FGFR2: variants seen among roughly 807,000 people sequenced by gnomAD.
FGFR2 encodes the protein fibroblast growth factor receptor 2, also known as BEK fibroblast growth factor receptor.
In FGFR2, 19 loss-of-function variants were observed where a neutral mutation model predicts 95.9. That is an observed-to-expected ratio of 0.20 (90% CI 0.14 to 0.29). The LOEUF (loss-of-function observed/expected upper bound fraction) is 0.29. Ranked by LOEUF, FGFR2 falls within the 10% of genes least tolerant of loss-of-function variation. The pLI is 1.00. For missense variants in FGFR2, 707 were observed against 1,056.9 expected, an observed-to-expected ratio of 0.67 and a Z score of 4.59; for synonymous variants, 392 against 393.3, an observed-to-expected ratio of 1.00 and a Z score of 0.04.
chr10:121,591,669 TC>T (rs1408344445), intron 2 of FGFR2, among the ~76,000 whole-genome samples: 3 of 152,222 alleles, frequency 2.0e-5, no homozygotes, highest in Non-Finnish European at 4.4e-5. Context: ...AGACATCTTT[TC>T]TTTTCCATCT....
At chr10:121,525,223 T>C (rs1044113292) in intron 6 of FGFR2, among the ~76,000 whole-genome samples, 4 of 152,162 alleles carry the variant, frequency 2.6e-5, no homozygotes, top group African/African-American at 4.8e-5. Flanking sequence ...GCACAGTGCA[T>C]GGACCTGGAA....
In FGFR2 at chr10:121,479,928, A is replaced by G; in HGVS notation, c.2395T>C (p.Ser799Pro). 2 of 1,614,154 alleles carry G rather than the reference A, an allele frequency of 1.2e-6. No individual in the cohort carries two copies. Among genetic ancestry groups the G allele is most frequent in the Non-Finnish European group, 1.7e-6 (2 of 1,180,022 alleles). The change falls in exon 18 of 18, where the codon TCT (serine) becomes CCT (proline). Residue 799 changes from serine to proline, a missense_variant. Physicochemically the swap from Ser to Pro is moderately conservative, Grantham distance 74 (BLOSUM62 -1). Around this residue, in one of 7 missense-constraint regions of FGFR2, gnomAD observed 51 missense variants for 50.2 expected, o/e 1.01. Transcript: ENST00000358487. ...SCSSGDDSVF[S>P]PDPMPYEPCL... ...GGTTCGTAAGGCATGGGGTCTGGAG[A>G]AAAAACAGAATCATCTCCTGAAGAA... is the stretch of plus-strand genomic sequence containing the variant.
chr10:121,506,761 A>G (rs1848347478), intron 9 of FGFR2, among the ~76,000 whole-genome samples: 1 of 152,214 alleles, frequency 6.6e-6, no homozygotes, highest in Admixed American at 6.5e-5. Flanking sequence ...CTTAGCAGTG[A>G]TCACCTGTGG....
At chr10:121,563,766 G>A (rs1407816831) in intron 4 of FGFR2, among the ~76,000 whole-genome samples, 1 of 152,196 alleles carries the variant, frequency 6.6e-6, no homozygotes, top group Non-Finnish European at 1.5e-5. Context: ...AACCCAGGTT[G>A]CCCAGCTCCA....
intron 17 of FGFR2, 199 bp from the exon 18 acceptor site, chr10:121,480,220 G>A: frequency 1.4e-6 from 1 of 714,866 alleles, no homozygotes; most frequent in Non-Finnish European, 2.5e-6. Context: ...CAGAGACCCA[G>A]CCCACCTGAC....
intron 13 of FGFR2, among the ~76,000 whole-genome samples, chr10:121,492,881 A>G (rs912168422): frequency 1.1e-4 from 16 of 152,076 alleles, no homozygotes; most frequent in African/African-American, 3.6e-4. Flanking sequence ...GGCACTAAAC[A>G]ACCCCTCACC....
intron 2 of FGFR2, among the ~76,000 whole-genome samples, chr10:121,593,169 T>C (rs896422687): frequency 3.3e-5 from 5 of 152,194 alleles, no homozygotes; most frequent in African/African-American, 4.8e-5. Flanking sequence ...TGATGATGCA[T>C]TGCTTAAGTA....
At chr10:121,573,463 T>C (rs763211359) in intron 2 of FGFR2, among the ~76,000 whole-genome samples, 1 of 151,418 alleles carries the variant, frequency 6.6e-6, no homozygotes, top group Non-Finnish European at 1.5e-5. Flanking sequence ...AGGTGTCCAA[T>C]CCCTAAACAC....
intron 9 of FGFR2, among the ~76,000 whole-genome samples, chr10:121,508,933 C>G (rs546993638): frequency 2.6e-5 from 4 of 152,232 alleles, no homozygotes; most frequent in African/African-American, 9.6e-5. Context: ...ACTCCAAGAG[C>G]GAGCCTGTGT....
intron 13 of FGFR2, among the ~76,000 whole-genome samples, chr10:121,488,325 G>A (rs988276506): frequency 6.6e-6 from 1 of 152,076 alleles, no homozygotes; most frequent in African/African-American, 2.4e-5. Context: ...CGGATCACTT[G>A]AGGTCAGTAG....
intron 9 of FGFR2, among the ~76,000 whole-genome samples, chr10:121,513,565 A>G (rs2981455): frequency 0.92 from 139,364 of 152,266 alleles, 65,086 homozygotes; most frequent in East Asian, 1. Context: ...ATTTTTCCCT[A>G]TTAGAAAAAA....
chr10:121,547,391 CT>C (rs960623310), intron 5 of FGFR2, among the ~76,000 whole-genome samples: 6 of 145,620 alleles, frequency 4.1e-5, no homozygotes, highest in Non-Finnish European at 7.4e-5. Flanking sequence ...GCAAAGGTAC[CT>C]TTTTTTTCTT....
intron 2 of FGFR2, among the ~76,000 whole-genome samples, chr10:121,582,637 G>T (rs781462577): frequency 3.3e-5 from 5 of 152,016 alleles, no homozygotes; most frequent in African/African-American, 9.7e-5. Context: ...AATACAATTA[G>T]CCGGGCGTGG....
intron 4 of FGFR2, among the ~76,000 whole-genome samples, chr10:121,552,273 AAAGCCACAACATC>A (rs1855519264): frequency 6.6e-6 from 1 of 152,218 alleles, no homozygotes; most frequent in Non-Finnish European, 1.5e-5. Flanking sequence ...TTTCTAAATA[AAAGCCACAACATC>A]AAGCCAGAAT....
intron 7 of FGFR2, among the ~76,000 whole-genome samples, chr10:121,519,062 G>T (rs1292276093): frequency 6.6e-6 from 1 of 152,222 alleles, no homozygotes; most frequent in East Asian, 1.9e-4. Flanking sequence ...GGTCGGGTGG[G>T]TCCCCAGGTT....
At chr10:121,520,877 A>T (rs934997543) in intron 6 of FGFR2, among the ~76,000 whole-genome samples, 1 of 152,242 alleles carries the variant, frequency 6.6e-6, no homozygotes, top group Non-Finnish European at 1.5e-5. Flanking sequence ...TCCTATGCTC[A>T]AGCGATCCAC....
In FGFR2 at chr10:121,522,976, A is replaced by T. The variant is rs1364997746; in HGVS notation, c.749-2807T>A. Among the ~76,000 whole-genome samples the T allele has an allele frequency of 2.0e-5, 3 of 152,250 alleles. No individual in the cohort carries two copies. The East Asian group carries it at 5.8e-4, about 29-fold the overall frequency. ...AATTAGAACAATAGATATCTACATC[A>T]TTGGACCTTTCAGATTAAAACATCA... On this transcript the variant is annotated intron_variant, in intron 6 of 17. Coordinates refer to ENST00000358487, the MANE Select transcript of FGFR2 (RefSeq NM_000141.5).
intron 2 of FGFR2, among the ~76,000 whole-genome samples, chr10:121,569,963 G>A (rs1858358773): frequency 6.6e-6 from 1 of 152,214 alleles, no homozygotes; most frequent in South Asian, 2.1e-4. Flanking sequence ...AGGTTGGGGA[G>A]AATAAAAAGA....
At chr10:121,557,263 T>C (rs997528257) in intron 4 of FGFR2, among the ~76,000 whole-genome samples, 4 of 152,218 alleles carry the variant, frequency 2.6e-5, no homozygotes, top group African/African-American at 9.7e-5. Context: ...GTCCAACCAT[T>C]GGATGGAACA....
Sources: allele counts gnomAD v4.1 joint callset (sites outside exome capture counted in the v4.1 genomes callset), GRCh38; gene constraint gnomAD v4.1.1; regional missense constraint gnomAD v4.1.1; transcripts MANE v1.5; gene names NCBI Gene and HGNC (gene_info 2026-07-23, HGNC 2026-07-21).